Variants in IPCEF1 observed in about 807,000 individuals in gnomAD.
The protein encoded by IPCEF1 is interactor protein for cytohesin exchange factors 1.
Under a neutral mutation model 50.9 loss-of-function variants are expected in IPCEF1, and 31 were observed. The observed-to-expected ratio is 0.61, with a 90% confidence interval of 0.46 to 0.82. The LOEUF (loss-of-function observed/expected upper bound fraction) is 0.82, where lower values mean the gene tolerates loss of function less well. Among genes scored for constraint, IPCEF1 ranks in the 40% least tolerant of loss-of-function variants. The pLI is 0.00. For missense variants in IPCEF1, 458 were observed against 514.0 expected, an observed-to-expected ratio of 0.89 and a Z score of 1.05; for synonymous variants, 181 against 192.0, an observed-to-expected ratio of 0.94 and a Z score of 0.47.
chr6:154,210,329 G>A (rs1777863927), intron 9 of IPCEF1, among the ~76,000 whole-genome samples: 1 of 152,186 alleles, frequency 6.6e-6, no homozygotes, highest in South Asian at 2.1e-4. Flanking sequence ...GGTGGGCACA[G>A]TGTGAGGGAG....
At chr6:154,181,779 G>C (rs1179821806) in intron 10 of IPCEF1, among the ~76,000 whole-genome samples, 6 of 152,136 alleles carry the variant, frequency 3.9e-5, no homozygotes, top group Non-Finnish European at 7.4e-5. Context: ...CAGCAATCTA[G>C]GACACAAACC....
rs76439864 is a variant in IPCEF1 at position 154,238,972 on chromosome 6, T to G, written c.246+7619A>C. On this transcript the variant is annotated intron_variant, in intron 5 of 11. Transcript: ENST00000367220. ...TGTGGAAACACCGACAAAAGTACTATGCACTGTCCACCAGAGAAAAGAAGG... is the reference window on the plus strand; with the variant it reads ...TGTGGAAACACCGACAAAAGTACTAGGCACTGTCCACCAGAGAAAAGAAGG... Among the ~76,000 whole-genome samples the G allele has an allele frequency of 7.4e-3, 1,122 of 152,182 alleles. 6 individuals carry two copies. The highest frequency in any genetic ancestry group is 0.014 in the Admixed American group (218 of 15,286).
At chr6:154,264,942 C>T (rs1312593391) in intron 3 of IPCEF1, among the ~76,000 whole-genome samples, 2 of 152,184 alleles carry the variant, frequency 1.3e-5, no homozygotes, top group East Asian at 3.9e-4. Flanking sequence ...CAAGAAACCA[C>T]AGTCTACATT....
chr6:154,244,204 C>A (rs1456125181), intron 5 of IPCEF1, among the ~76,000 whole-genome samples: 1 of 152,076 alleles, frequency 6.6e-6, no homozygotes, highest in African/African-American at 2.4e-5. Flanking sequence ...GGTGTCCGCA[C>A]AGAGAAGAGG....
chr6:154,237,827 T>C (rs1780255086), intron 5 of IPCEF1, among the ~76,000 whole-genome samples: 1 of 152,020 alleles, frequency 6.6e-6, no homozygotes, highest in Non-Finnish European at 1.5e-5. Flanking sequence ...TGCATATCTA[T>C]ATATATGTTA....
intron 10 of IPCEF1, among the ~76,000 whole-genome samples, chr6:154,198,474 T>A (rs1387967171): frequency 1.3e-5 from 2 of 152,098 alleles, no homozygotes; most frequent in Non-Finnish European, 2.9e-5. Flanking sequence ...TTGGCCTAAA[T>A]AAAGGGGAGA....
intron 7 of IPCEF1, among the ~76,000 whole-genome samples, chr6:154,214,656 T>C (rs1425202181): frequency 1.3e-5 from 2 of 152,234 alleles, no homozygotes; most frequent in African/African-American, 2.4e-5. Context: ...TTACTCTTAA[T>C]AATGTCTTAA....
intron 5 of IPCEF1, among the ~76,000 whole-genome samples, chr6:154,244,320 G>GTGTC (rs1780857950): frequency 6.6e-6 from 1 of 151,604 alleles, no homozygotes; most frequent in South Asian, 2.1e-4. Flanking sequence ...GTGTGTGTGT[G>GTGTC]TGTGTGTTTG....
rs72574414 is a variant in IPCEF1, at chr6:154,250,199, C to T, written c.37-2711G>A. The stretch of plus-strand genomic sequence containing the variant: ...ACTCCTCACAACAGGAAGTGGAACC[C>T]GTGAACTAGTCCGTTTCAAAATGAT... On this transcript the variant is annotated intron_variant, in intron 3 of 11. Coordinates refer to ENST00000367220, the MANE Select transcript of IPCEF1 (RefSeq NM_001130700.2). Among the ~76,000 whole-genome samples, 109 of 151,484 alleles carry T rather than the reference C, an allele frequency of 7.2e-4. 1 individual carries two copies. In the East Asian group the frequency reaches 0.016, roughly 23 times the overall value.
At chr6:154,281,268 G>C (rs1271437705) in intron 2 of IPCEF1, among the ~76,000 whole-genome samples, 3 of 150,086 alleles carry the variant, frequency 2.0e-5, no homozygotes, top group Non-Finnish European at 3.0e-5. Flanking sequence ...CAAGAGAATT[G>C]CCTGAACCCG....
intron 5 of IPCEF1, among the ~76,000 whole-genome samples, chr6:154,243,960 ACAGGTGG>A (rs1324771149): frequency 6.6e-6 from 1 of 152,204 alleles, no homozygotes; most frequent in African/African-American, 2.4e-5. Flanking sequence ...ACACTAAGTA[ACAGGTGG>A]CTCTTCCTAA....
chr6:154,257,494 T>C (rs527994796), intron 3 of IPCEF1, among the ~76,000 whole-genome samples: 3 of 152,202 alleles, frequency 2.0e-5, no homozygotes, highest in South Asian at 2.1e-4. Flanking sequence ...TGGCTTTTTA[T>C]GTTTTTCTTT....
intron 5 of IPCEF1, among the ~76,000 whole-genome samples, chr6:154,223,744 G>A (rs984796668): frequency 1.3e-5 from 2 of 152,146 alleles, no homozygotes; most frequent in African/African-American, 4.8e-5. Flanking sequence ...ACTTAAATGA[G>A]CTCAGATAAA....
intron 1 of IPCEF1, among the ~76,000 whole-genome samples, chr6:154,308,645 C>T: frequency 6.6e-6 from 1 of 152,112 alleles, no homozygotes; most frequent in East Asian, 1.9e-4. Context: ...ATGGTATTGA[C>T]TAATAAAACT....
chr6:154,160,658 T>G (rs779006543), intron 11 of IPCEF1, among the ~76,000 whole-genome samples: 1 of 152,176 alleles, frequency 6.6e-6, no homozygotes, highest in Non-Finnish European at 1.5e-5. Flanking sequence ...CTGTAACCAA[T>G]GGCACACATT....
intron 5 of IPCEF1, among the ~76,000 whole-genome samples, chr6:154,225,015 T>G (rs1562552523): frequency 6.6e-6 from 1 of 152,156 alleles, no homozygotes; most frequent in South Asian, 2.1e-4. Context: ...CTATGTTAGG[T>G]CTCATCAATT....
Position 154,199,713 on chromosome 6 carries a change from G to C in IPCEF1, c.865C>G (p.Leu289Val), listed in dbSNP as rs762047631. 3 of 1,613,938 alleles carry C rather than the reference G, an allele frequency of 1.9e-6. No individual in the cohort carries two copies. Among genetic ancestry groups the C allele is most frequent in the Non-Finnish European group, 2.5e-6 (3 of 1,179,852 alleles). The change falls in exon 10 of 12, where the codon CTT (leucine) becomes GTT (valine). Residue 289 changes from leucine (L) to valine (V), a missense_variant. Transcript: ENST00000367220. ...TSSLSSNHDH[L>V]TVPDKPAGSK... ...CCAGCAGGCTTATCTGGGACAGTAAGATGGTCATGATTGCTACTCAATGAA... is the reference window on the plus strand; with the variant it reads ...CCAGCAGGCTTATCTGGGACAGTAACATGGTCATGATTGCTACTCAATGAA...
chr6:154,162,898 T>G (rs980179576), intron 11 of IPCEF1, among the ~76,000 whole-genome samples: 3 of 152,172 alleles, frequency 2.0e-5, no homozygotes, highest in African/African-American at 7.2e-5. Flanking sequence ...TTCCTCTTAT[T>G]CTCTACATCC....
At chr6:154,216,173 T>C (rs1031472766) in intron 7 of IPCEF1, among the ~76,000 whole-genome samples, 20 of 152,150 alleles carry the variant, frequency 1.3e-4, no homozygotes, top group African/African-American at 4.8e-4. Flanking sequence ...TGGCAGAATG[T>C]TCACTGCCAA....
Sources: gnomAD v4.1 joint callset for allele counts (sites outside exome capture counted in the v4.1 genomes callset) on GRCh38, gnomAD v4.1.1 for gene constraint, MANE v1.5 for transcripts, NCBI Gene and HGNC (gene_info 2026-07-23, HGNC 2026-07-21) for gene names.